Variants in LRRCC1 observed in about 807,000 individuals in gnomAD.
The protein encoded by LRRCC1 is leucine-rich repeat and coiled-coil domain-containing protein 1.
In LRRCC1, 115 loss-of-function variants were observed where a neutral mutation model predicts 126.0. The observed-to-expected ratio is 0.91, with a 90% CI of 0.78 to 1.07. LRRCC1 has a LOEUF of 1.07. LRRCC1 is among the 50% of genes least tolerant of loss of function. The pLI is 0.00. For missense variants in LRRCC1, 1,172 were observed against 1,175.7 expected (o/e 1.00, Z 0.05); for synonymous variants, 400 against 393.4 (o/e 1.02, Z -0.20).
chr8:85,108,772 A>T (rs1808466405), intron 1 of LRRCC1: 1 of 152,218 alleles, frequency 6.6e-6, no homozygotes, highest in Admixed American at 6.5e-5. Flanking sequence ...CCTACAGCAG[A>T]TGCCCGTGAC....
chr8:85,109,872 A>G, intron 2 of LRRCC1, 72 bp downstream of exon 2: 2 of 759,132 alleles, frequency 2.6e-6, no homozygotes, highest in South Asian at 2.3e-5. Flanking sequence ...CCCCAAAAGA[A>G]TGGAATAAAT....
intron 9 of LRRCC1, 110 bp from the exon 10 acceptor site, chr8:85,129,065 A>G: frequency 1.3e-6 from 1 of 789,534 alleles, no homozygotes; most frequent in South Asian, 1.7e-5. Flanking sequence ...ACAGGAGTTG[A>G]GAGCATGAAC....
intron 7 of LRRCC1, among the ~76,000 whole-genome samples, chr8:85,123,838 C>T (rs1472124344): frequency 6.6e-6 from 1 of 152,098 alleles, no homozygotes. Flanking sequence ...GAAGATATCT[C>T]ATACTATAAA....
At position 85,135,770 on chromosome 8, in the gene LRRCC1, T is replaced by A. The variant is rs772528858; in HGVS notation, c.2155-19T>A. On this transcript the variant is annotated intron_variant, in intron 13 of 18. Transcript: ENST00000360375. ...CACTTAATATAATAATTCTTATTTT[T>A]TTTTTTGGGAATATACAGAATCAAA... The A allele has an allele frequency of 2.4e-5, 32 of 1,353,564 alleles. 1 individual carries two copies. Among genetic ancestry groups the A allele is most frequent in the Non-Finnish European group, 2.8e-5 (29 of 1,031,784 alleles). The allele number at this position is 1,353,564 out of a possible 1,614,324, so 83.8% of individuals were successfully genotyped here.
chr8:85,128,531 C>T (rs1189435459), intron 9 of LRRCC1, among the ~76,000 whole-genome samples: 1 of 148,440 alleles, frequency 6.7e-6, no homozygotes, highest in Non-Finnish European at 1.5e-5. Context: ...CAGGGTCTGG[C>T]ATGTGGGTGC....
chr8:85,128,428 C>A (rs540975395), intron 9 of LRRCC1, among the ~76,000 whole-genome samples: 3 of 124,980 alleles, frequency 2.4e-5, no homozygotes, highest in East Asian at 6.0e-4. Flanking sequence ...CACCCCCCCA[C>A]CCCCCCCACC....
At chr8:85,125,689 AG>A (rs1310315419) in intron 8 of LRRCC1, among the ~76,000 whole-genome samples, 2 of 148,682 alleles carry the variant, frequency 1.3e-5, no homozygotes, top group African/African-American at 2.5e-5. Context: ...AAAAAAAAAA[AG>A]AGGTGTTCAA....
intron 6 of LRRCC1, 129 bp downstream of exon 6, chr8:85,115,713 T>C: frequency 1.5e-6 from 1 of 650,386 alleles, no homozygotes; most frequent in Non-Finnish European, 2.6e-6. Context: ...TATTTTTGTT[T>C]TCCTCTACAG....
chr8:85,137,059 T>G (rs938370924), intron 14 of LRRCC1, among the ~76,000 whole-genome samples: 1 of 152,342 alleles, frequency 6.6e-6, no homozygotes, highest in Admixed American at 6.5e-5. Context: ...ACTCCTGACC[T>G]CAAGTGATCT....
intron 1 of LRRCC1, 39 bp downstream of exon 1, chr8:85,107,438 C>G: frequency 6.5e-7 from 1 of 1,530,750 alleles, no homozygotes; most frequent in Non-Finnish European, 8.9e-7. Flanking sequence ...CCCGCGCACT[C>G]CCCAGAGCCG....
intron 17 of LRRCC1, among the ~76,000 whole-genome samples, chr8:85,139,486 G>A (rs991986061): frequency 2.0e-5 from 3 of 152,022 alleles, no homozygotes; most frequent in South Asian, 2.1e-4. Context: ...GTCTGGTCTC[G>A]AACTCCTGAC....
intron 6 of LRRCC1, among the ~76,000 whole-genome samples, chr8:85,121,415 GTTTTGTT>G (rs1290679006): frequency 3.3e-5 from 5 of 150,716 alleles, no homozygotes; most frequent in African/African-American, 7.3e-5. Context: ...AGTTTTTTTT[GTTTTGTT>G]TTTTGTTTTG....
rs775171497 is a variant in LRRCC1 at position 85,137,471 on chromosome 8, T to C, written c.2337T>C (p.Ser779=). The C allele has an allele frequency of 1.3e-6, 2 of 1,559,246 alleles. No homozygotes were observed. Among genetic ancestry groups the C allele is most frequent in the East Asian group, 4.8e-5 (2 of 42,098 alleles). ...ATGATTTTTGTTTCTTAGGATCTTC[T>C]CTAGCCCAAAATCGTGGAAAATTGG... The part of the protein sequence containing the change: ...WGHELAQQGS[S]LAQNRGKLEA... Residue 779 remains serine (S), a synonymous_variant, in exon 15 of 19, where the codon TCT becomes TCC. Coordinates refer to ENST00000360375, the MANE Select transcript of LRRCC1 (RefSeq NM_033402.5).
rs1466404509 is a variant in LRRCC1 at position 85,115,535 on chromosome 8, A to G, written c.881A>G (p.Glu294Gly). 5.0e-6 allele frequency: 8 copies of G among 1,613,338 alleles called. No homozygotes were observed. The highest frequency in any genetic ancestry group is 1.7e-4 in the Middle Eastern group (1 of 6,058). ...AATCATGAAAACGATTTGCAGAATGAGATAAAACTTCAGAAATTAGATGAC... is the reference window on the plus strand; with the variant it reads ...AATCATGAAAACGATTTGCAGAATGGGATAAAACTTCAGAAATTAGATGAC... ...KNNHENDLQNEIKLQKLDDQI... is the reference protein window; with the variant it reads ...KNNHENDLQNGIKLQKLDDQI... The change falls in exon 6 of 19, where the codon GAG becomes GGG. Residue 294 changes from glutamate (E) to glycine (G), a missense_variant. Glu to Gly is a moderately conservative substitution (Grantham distance 98, BLOSUM62 -2). Transcript: ENST00000360375.
chr8:85,135,153 A>G (rs1810761004), intron 13 of LRRCC1, 121 bp downstream of exon 13: 2 of 589,638 alleles, frequency 3.4e-6, no homozygotes, highest in Non-Finnish European at 5.4e-6. Flanking sequence ...TATATTGCAT[A>G]TAAGAAAAAT....
intron 6 of LRRCC1, among the ~76,000 whole-genome samples, chr8:85,117,364 GGAAA>G (rs1279635663): frequency 5.9e-5 from 9 of 152,054 alleles, no homozygotes; most frequent in Admixed American, 2.6e-4. Flanking sequence ...CTAGCTATCT[GGAAA>G]GAAAGGTGAT....
chr8:85,131,895 G>T lies in LRRCC1; in HGVS notation c.1902G>T (p.Gln634His), dbSNP rs1810496859. 18 of 1,613,868 alleles carry T rather than the reference G, an allele frequency of 1.1e-5. No individual in the cohort carries two copies. Among genetic ancestry groups the T allele is most frequent in the Non-Finnish European group, 1.5e-5 (18 of 1,179,862 alleles). Reference protein sequence around the residue: ...EYQEKIDVLSQQYMDLENEFR... With the variant: ...EYQEKIDVLSHQYMDLENEFR... Reference sequence around the variant, plus strand: ...AAGAGAAAATTGACGTGTTAAGCCAGCAGTATATGGATTTAGAAAATGAAT... The same window carrying T: ...AAGAGAAAATTGACGTGTTAAGCCATCAGTATATGGATTTAGAAAATGAAT... The change falls in exon 12 of 19, where the codon CAG (glutamine) becomes CAT (histidine). Residue 634 changes from glutamine (Q) to histidine (H), a missense_variant. Transcript: ENST00000360375.
At chr8:85,110,807 A>T (rs1808651609) in intron 3 of LRRCC1, among the ~76,000 whole-genome samples, 2 of 152,156 alleles carry the variant, frequency 1.3e-5, no homozygotes, top group Admixed American at 1.3e-4. Context: ...GATTAAAGTG[A>T]TGTAGCTGAT....
intron 6 of LRRCC1, among the ~76,000 whole-genome samples, chr8:85,118,114 TAAATAG>T (rs1186881495): frequency 6.6e-6 from 1 of 152,114 alleles, no homozygotes; most frequent in Non-Finnish European, 1.5e-5. Flanking sequence ...GAACCTAATA[TAAATAG>T]AATCATTCAG....
Sources: allele counts gnomAD v4.1 joint callset (sites outside exome capture counted in the v4.1 genomes callset), GRCh38; gene constraint gnomAD v4.1.1; transcripts MANE v1.5; gene names NCBI Gene and HGNC (gene_info 2026-07-23, HGNC 2026-07-21).